Variants in NTN1 observed in about 807,000 individuals in gnomAD.
The protein encoded by NTN1 is netrin-1.
A neutral mutation model predicts 54.2 loss-of-function variants in NTN1; 11 were observed. The observed-to-expected ratio is 0.20, with a 90% CI of 0.13 to 0.34. The LOEUF (loss-of-function observed/expected upper bound fraction) is 0.34, where lower values mean the gene tolerates loss of function less well. Among genes scored for constraint, NTN1 ranks in the 10% least tolerant of loss-of-function variants. NTN1 has a pLI of 1.00. For synonymous variants in NTN1, 371 were observed against 382.0 expected, an observed-to-expected ratio of 0.97 and a Z score of 0.33; for missense variants, 740 against 893.1, an observed-to-expected ratio of 0.83 and a Z score of 2.18.
chr17:9,090,466 G>A (rs951204697), intron 2 of NTN1, among the ~76,000 whole-genome samples: 1 of 152,104 alleles, frequency 6.6e-6, no homozygotes, highest in African/African-American at 2.4e-5. Flanking sequence ...GAGCCACCGC[G>A]CCTGGCCTAA....
At chr17:9,162,587 A>G (rs2092360075) in intron 2 of NTN1, among the ~76,000 whole-genome samples, 1 of 152,218 alleles carries the variant, frequency 6.6e-6, no homozygotes, top group African/African-American at 2.4e-5. Context: ...CGGCTTCAAC[A>G]TAAGAATTTT....
At chr17:9,169,928 A>G (rs1455978794) in intron 3 of NTN1, among the ~76,000 whole-genome samples, 2 of 152,222 alleles carry the variant, frequency 1.3e-5, no homozygotes, top group Admixed American at 6.5e-5. Flanking sequence ...CTTGAGCAGA[A>G]AAGACTCCTG....
At chr17:9,232,252 C>T (rs1369720397) in intron 6 of NTN1, among the ~76,000 whole-genome samples, 3 of 152,186 alleles carry the variant, frequency 2.0e-5, no homozygotes, top group South Asian at 2.1e-4. Flanking sequence ...AGGCAGCAGC[C>T]TGCATCCCGA....
chr17:9,114,025 G>A (rs180682068), intron 2 of NTN1, among the ~76,000 whole-genome samples: 1,797 of 150,874 alleles, frequency 0.012, 47 homozygotes, highest in African/African-American at 0.04. Flanking sequence ...AGCCGGGCAT[G>A]GTGGTGTGTG....
the NTN1 span, among the ~76,000 whole-genome samples, chr17:9,007,306 TCCC>T: frequency 7.0e-6 from 1 of 143,714 alleles, no homozygotes. Context: ...TTTCTTTCTT[TCCC>T]TTCTTTTCCT....
intron 3 of NTN1, among the ~76,000 whole-genome samples, chr17:9,168,826 T>C (rs57234514): frequency 0.043 from 6,473 of 152,226 alleles, 549 homozygotes; most frequent in East Asian, 0.36. Context: ...CCTGTATTTA[T>C]ACTTTCATGT....
intron 2 of NTN1, among the ~76,000 whole-genome samples, chr17:9,101,531 G>A (rs532841599): frequency 1.3e-5 from 2 of 152,338 alleles, no homozygotes; most frequent in East Asian, 3.8e-4. Flanking sequence ...CCTGTTATGA[G>A]CAAACACAGT....
At chr17:9,143,401 G>A (rs968683133) in intron 2 of NTN1, among the ~76,000 whole-genome samples, 19 of 152,192 alleles carry the variant, frequency 1.2e-4, no homozygotes, top group South Asian at 2.1e-4. Context: ...TATCTCAGCC[G>A]TTTTATTTGC....
chr17:9,151,758 C>T (rs1174309080), intron 2 of NTN1, among the ~76,000 whole-genome samples: 1 of 152,212 alleles, frequency 6.6e-6, no homozygotes, highest in Non-Finnish European at 1.5e-5. Flanking sequence ...GTGAAGCCAG[C>T]TGGACTTCCT....
Position 9,207,076 on chromosome 17 carries a change from G to C in NTN1, c.1412-14092G>C, listed in dbSNP as rs17675247. The stretch of plus-strand genomic sequence containing the variant: ...CCGCACAGTGGTGGCAGCTGCGCCC[G>C]TTTTTATTGAACTTGCTCAACAAAT... On this transcript the variant is annotated intron_variant, in intron 5 of 6. Coordinates refer to ENST00000173229, the MANE Select transcript of NTN1 (RefSeq NM_004822.3). 1.9e-4 allele frequency among the ~76,000 whole-genome samples: 29 copies of C among 151,986 alleles called. 1 individual carries two copies. Among genetic ancestry groups the C allele is most frequent in the Admixed American group, 1.8e-3 (28 of 15,270 alleles).
intron 5 of NTN1, among the ~76,000 whole-genome samples, chr17:9,190,104 G>A (rs894337029): frequency 5.9e-5 from 9 of 152,194 alleles, no homozygotes; most frequent in African/African-American, 2.2e-4. Context: ...CCTGTAGTAA[G>A]TACTCAGTGA....
chr17:9,114,668 C>G lies in NTN1; in HGVS notation c.1019-48145C>G, dbSNP rs145038446. 9.3e-3 allele frequency among the ~76,000 whole-genome samples: 1,408 copies of G among 152,104 alleles called. 25 individuals are homozygous for G. The highest frequency in any genetic ancestry group is 0.032 in the African/African-American group (1,336 of 41,482). ...CTTGGGAGGCTAAGGCACGGAGAAT[C>G]GCTTGAACCCGGGAAGAGGAGGTTG... On this transcript the variant is annotated intron_variant, in intron 2 of 6. Transcript: ENST00000173229.
At chr17:9,029,195 C>T (rs74893087) in intron 2 of NTN1, among the ~76,000 whole-genome samples, 4,278 of 152,046 alleles carry the variant, frequency 0.028, 204 homozygotes, top group African/African-American at 0.098. Flanking sequence ...TGGGGGGTTG[C>T]GTCCTGAAGA....
At chr17:9,205,385 T>C (rs2142341468) in intron 5 of NTN1, among the ~76,000 whole-genome samples, 1 of 152,336 alleles carries the variant, frequency 6.6e-6, no homozygotes, top group East Asian at 1.9e-4. Context: ...CCTAACACTT[T>C]GGGAGGCCAG....
chr17:9,203,206 C>T (rs1352001351), intron 5 of NTN1, among the ~76,000 whole-genome samples: 1 of 152,154 alleles, frequency 6.6e-6, no homozygotes, highest in Non-Finnish European at 1.5e-5. Flanking sequence ...CAGGTGTGAG[C>T]CACCATGCCC....
At chr17:9,180,261 ACTC>A (rs548945211) in intron 4 of NTN1, among the ~76,000 whole-genome samples, 1 of 151,818 alleles carries the variant, frequency 6.6e-6, no homozygotes, top group Non-Finnish European at 1.5e-5. Flanking sequence ...CTGGTCTTGA[ACTC>A]CTGACCTCAG....
intron 2 of NTN1, among the ~76,000 whole-genome samples, chr17:9,130,659 C>T (rs1331430875): frequency 6.6e-6 from 1 of 152,162 alleles, no homozygotes; most frequent in African/African-American, 2.4e-5. Context: ...ACACCCTAAA[C>T]ACCCCAGGGT....
At chr17:9,182,318 A>T (rs2092420905) in intron 4 of NTN1, among the ~76,000 whole-genome samples, 1 of 152,180 alleles carries the variant, frequency 6.6e-6, no homozygotes, top group Non-Finnish European at 1.5e-5. Context: ...AATCAAAACG[A>T]TCACATGCTT....
intron 3 of NTN1, among the ~76,000 whole-genome samples, chr17:9,169,465 G>A (rs1448007507): frequency 6.6e-6 from 1 of 152,214 alleles, no homozygotes; most frequent in East Asian, 1.9e-4. Context: ...TGGCCCAGCT[G>A]TGCTCATTCC....
Sources: gnomAD v4.1 joint callset for allele counts (sites outside exome capture counted in the v4.1 genomes callset) on GRCh38, gnomAD v4.1.1 for gene constraint, MANE v1.5 for transcripts, NCBI Gene and HGNC (gene_info 2026-07-23, HGNC 2026-07-21) for gene names.